The following CACNA1C variants were observed in gnomAD, a reference collection of about 807,000 sequenced individuals.
The protein encoded by CACNA1C is voltage-dependent L-type calcium channel subunit alpha-1C.
A neutral mutation model predicts 229.0 loss-of-function variants in CACNA1C; 30 were observed. That is an observed-to-expected ratio of 0.13 (90% CI 0.10 to 0.18). The LOEUF (loss-of-function observed/expected upper bound fraction) is 0.18. CACNA1C is among the 10% of genes least tolerant of loss of function. CACNA1C has a pLI of 1.00. For synonymous variants in CACNA1C, 1,114 were observed against 1,132.5 expected, an observed-to-expected ratio of 0.98 and a Z score of 0.33; for missense variants, 1,658 against 2,845.0, an observed-to-expected ratio of 0.58 and a Z score of 9.49.
intron 1 of CACNA1C, among the ~76,000 whole-genome samples, chr12:2,028,505 T>G (rs530275858): frequency 6.6e-6 from 1 of 152,322 alleles, no homozygotes; most frequent in South Asian, 2.1e-4. Context: ...CAATGTTCTT[T>G]TATTATCCTA....
intron 1 of CACNA1C, among the ~76,000 whole-genome samples, chr12:2,104,158 T>A (rs1005635298): frequency 6.6e-6 from 1 of 152,236 alleles, no homozygotes; most frequent in African/African-American, 2.4e-5. Flanking sequence ...ATCTATAAAT[T>A]ACTTTGGGCA....
At chr12:2,690,766 A>C in intron 46 of CACNA1C, 134 bp from the exon 47 acceptor site, 2 of 827,686 alleles carry the variant, frequency 2.4e-6, no homozygotes, top group Non-Finnish European at 3.7e-6. Context: ...CAACACACAC[A>C]CGTACACGTG....
intron 3 of CACNA1C, among the ~76,000 whole-genome samples, chr12:2,334,505 G>A (rs985245153): frequency 6.6e-6 from 1 of 152,134 alleles, no homozygotes; most frequent in African/African-American, 2.4e-5. Flanking sequence ...GGCAAGTCAT[G>A]GTTCAGATAC....
chr12:2,510,111 C>A (rs759731770), intron 8 of CACNA1C, among the ~76,000 whole-genome samples: 2 of 152,136 alleles, frequency 1.3e-5, no homozygotes, highest in African/African-American at 4.8e-5. Flanking sequence ...CCATTGCTGG[C>A]GAGAGATGCA....
At chr12:2,550,075 G>A (rs751350324) in intron 10 of CACNA1C, 42 bp downstream of exon 10, 39 of 1,311,662 alleles carry the variant, frequency 3.0e-5, no homozygotes, top group African/African-American at 4.4e-5. Flanking sequence ...GCTTTTTCTG[G>A]AGCATGGGTG....
intron 4 of CACNA1C, among the ~76,000 whole-genome samples, chr12:2,455,850 T>C (rs1428398744): frequency 6.6e-6 from 1 of 152,222 alleles, no homozygotes; most frequent in Non-Finnish European, 1.5e-5. Flanking sequence ...CAGTCTGTTT[T>C]GTTGCTTTCT....
intron 11 of CACNA1C, among the ~76,000 whole-genome samples, chr12:2,558,682 A>T (rs1302809672): frequency 6.6e-6 from 1 of 152,204 alleles, no homozygotes; most frequent in Non-Finnish European, 1.5e-5. Context: ...CCCCGTGGCC[A>T]TCTGGGTGTT....
chr12:2,052,894 CGGGCGGGCGGGCGGGCGGCGCGGGCAG>C (rs1427432922), upstream of CACNA1C: 21 of 661,734 alleles, frequency 3.2e-5, no homozygotes, highest in Middle Eastern at 7.8e-4. Context: ...TCCGGCGCGC[CGGGCGGGCGGGCGGGCGGCGCGGGCAG>C]GGGCGGGCGC....
intron 1 of CACNA1C, among the ~76,000 whole-genome samples, chr12:1,999,849 A>G (rs1326125547): frequency 6.6e-6 from 1 of 152,218 alleles, no homozygotes; most frequent in Non-Finnish European, 1.5e-5. Flanking sequence ...TGTATAAATC[A>G]CCACAACATA....
intron 1 of CACNA1C, chr12:1,991,482 C>A: frequency 4.3e-6 from 1 of 233,254 alleles, no homozygotes; most frequent in Non-Finnish European, 8.7e-6. Flanking sequence ...TTTTATTTTG[C>A]CCAATTTATC....
chr12:2,447,547 T>C (rs528148530), intron 3 of CACNA1C, among the ~76,000 whole-genome samples: 264 of 146,288 alleles, frequency 1.8e-3, no homozygotes, highest in Middle Eastern at 3.5e-3. Context: ...AATTCTACAG[T>C]TTTTAATTTT....
intron 30 of CACNA1C, among the ~76,000 whole-genome samples, chr12:2,636,265 G>A (rs61216358): frequency 0.2 from 29,967 of 152,184 alleles, 3,183 homozygotes; most frequent in African/African-American, 0.29. Flanking sequence ...CCCCTGTACA[G>A]TGGCCCACTG....
At chr12:2,570,323 G>A (rs951558368) in intron 13 of CACNA1C, among the ~76,000 whole-genome samples, 1 of 152,182 alleles carries the variant, frequency 6.6e-6, no homozygotes, top group African/African-American at 2.4e-5. Context: ...CTCAGAGCGT[G>A]TTTCTGAGTG....
chr12:2,203,307 T>G (rs1339568993), intron 3 of CACNA1C, among the ~76,000 whole-genome samples: 1 of 152,164 alleles, frequency 6.6e-6, no homozygotes, highest in Non-Finnish European at 1.5e-5. Flanking sequence ...TTTTCCTTCT[T>G]ACAGTCCCCC....
rs545065502 is a variant in CACNA1C, at chr12:2,116,666, A to G, written c.371+1121A>G. ...ACAGGTGTAATCTGCCACCGTGCCC[A>G]GCCCAGAAAGGACCTTTAAGTGCTG... is the stretch of plus-strand genomic sequence containing the variant. On this transcript the variant is annotated intron_variant, in intron 2 of 46. Coordinates refer to ENST00000399655, the MANE Select transcript of CACNA1C (RefSeq NM_000719.7). 1.0e-3 allele frequency among the ~76,000 whole-genome samples: 152 copies of G among 152,236 alleles called. 1 individual carries two copies. The highest frequency in any genetic ancestry group is 1.9e-3 in the Non-Finnish European group (131 of 68,018).
rs147147626 is a variant in CACNA1C, at chr12:2,002,229, T to A, written c.139+31028T>A. 9.7e-3 allele frequency among the ~76,000 whole-genome samples: 1,479 copies of A among 152,322 alleles called. 11 individuals carry two copies. Among genetic ancestry groups the A allele is most frequent in the South Asian group, 0.018 (87 of 4,830 alleles). ...ATCCCCCCTGCCTTCTTGTAAATAC[T>A]TTCTCCTCTATTCTCAACAATGTTC... On this transcript the variant is annotated intron_variant, in intron 1 of 46. Transcript: ENST00000682462.
chr12:2,386,724 C>T (rs1423992322), intron 3 of CACNA1C, among the ~76,000 whole-genome samples: 1 of 152,168 alleles, frequency 6.6e-6, no homozygotes, highest in Non-Finnish European at 1.5e-5. Flanking sequence ...TCTATCTCCA[C>T]CCCCATTAGA....
intron 3 of CACNA1C, among the ~76,000 whole-genome samples, chr12:2,439,407 C>A (rs1424002400): frequency 1.3e-5 from 2 of 152,228 alleles, no homozygotes; most frequent in African/African-American, 4.8e-5. Flanking sequence ...GTGTGCAAAT[C>A]TACCGCATTG....
chr12:2,331,577 A>T (rs1281373241), intron 3 of CACNA1C, among the ~76,000 whole-genome samples: 1 of 152,272 alleles, frequency 6.6e-6, no homozygotes, highest in African/African-American at 2.4e-5. Flanking sequence ...AACAGCTTAA[A>T]TAAGAATCCA....
Sources: allele counts gnomAD v4.1 joint callset (sites outside exome capture counted in the v4.1 genomes callset), GRCh38; gene constraint gnomAD v4.1.1; transcripts MANE v1.5; gene names NCBI Gene and HGNC (gene_info 2026-07-23, HGNC 2026-07-21).